The following HPRT1 variants were observed in gnomAD, a reference collection of about 807,000 sequenced individuals.
HPRT1 encodes the protein hypoxanthine phosphoribosyltransferase 1.
In HPRT1, 4 loss-of-function variants were observed where a neutral mutation model predicts 19.0. The observed-to-expected ratio is 0.21, with a 90% confidence interval of 0.10 to 0.48. The LOEUF (loss-of-function observed/expected upper bound fraction) is 0.48, where lower values mean the gene tolerates loss of function less well. HPRT1 is among the 20% of genes least tolerant of loss of function. HPRT1 has a pLI of 0.98. For missense variants in HPRT1, 65 were observed against 164.0 expected, an observed-to-expected ratio of 0.40 and a Z score of 3.30; for synonymous variants, 53 against 54.9, an observed-to-expected ratio of 0.97 and a Z score of 0.15.
intron 5 of HPRT1, among the ~76,000 whole-genome samples, chrX:134,493,140 G>C (rs1020589784): frequency 1.8e-5 from 2 of 111,724 alleles, no homozygotes; most frequent in African/African-American, 6.5e-5. Context: ...CATGTTTCTC[G>C]AGTGTAGTCT....
At chrX:134,460,416 C>G in intron 1 of HPRT1, 78 bp downstream of exon 1, 3 of 861,243 alleles carry the variant, frequency 3.5e-6, no homozygotes, top group South Asian at 4.1e-5. Flanking sequence ...GGCGCGGGAT[C>G]CGCAGTGCGG....
intron 6 of HPRT1, among the ~76,000 whole-genome samples, chrX:134,496,003 G>T (rs1033026915): frequency 5.3e-5 from 6 of 112,237 alleles, no homozygotes; most frequent in African/African-American, 1.6e-4. Context: ...TTATCCATCT[G>T]TTGGTGAACA....
At chrX:134,464,297 T>C (rs1342078320) in intron 1 of HPRT1, among the ~76,000 whole-genome samples, 1 of 112,260 alleles carries the variant, frequency 8.9e-6, no homozygotes, top group Non-Finnish European at 1.9e-5. Context: ...TAGCTTTAAT[T>C]ATTTTTACAT....
intron 6 of HPRT1, among the ~76,000 whole-genome samples, chrX:134,497,168 A>G (rs2077682761): frequency 9.0e-6 from 1 of 111,695 alleles, no homozygotes; most frequent in South Asian, 3.7e-4. Flanking sequence ...CCAGTTATTA[A>G]AAGTTGTGAT....
At chrX:134,488,012 CTTTCT>C (rs961371205) in intron 4 of HPRT1, among the ~76,000 whole-genome samples, 1 of 111,137 alleles carries the variant, frequency 9.0e-6, no homozygotes, top group African/African-American at 3.3e-5. Context: ...TCTAAAATAA[CTTTCT>C]TTTCATGATA....
chrX:134,486,203 A>T (rs2077652237), intron 3 of HPRT1, among the ~76,000 whole-genome samples: 1 of 111,345 alleles, frequency 9.0e-6, no homozygotes, highest in South Asian at 3.7e-4. Flanking sequence ...ACTCTTAAAA[A>T]CATCAAATCA....
chrX:134,494,078 TCTAC>T lies in HPRT1; in HGVS notation c.485+491_485+494del, dbSNP rs751873910. 5.3e-4 allele frequency among the ~76,000 whole-genome samples: 59 copies of T among 112,183 alleles called. 1 individual carries two copies. The highest frequency in any genetic ancestry group is 1.8e-3 in the African/African-American group (56 of 30,929). On this transcript the variant is annotated intron_variant, in intron 6 of 8. Transcript: ENST00000298556. Reference sequence around the variant, plus strand: ...GCTGTTTTACTTTTGCTTTTATAGTTCTACCTGTGTTTATTTCTCATTTTCGTTT... The same window carrying T: ...GCTGTTTTACTTTTGCTTTTATAGTTCTGTGTTTATTTCTCATTTTCGTTT...
chrX:134,461,549 T>G (rs962696555), intron 1 of HPRT1, among the ~76,000 whole-genome samples: 2 of 112,270 alleles, frequency 1.8e-5, no homozygotes, highest in Non-Finnish European at 3.8e-5. Flanking sequence ...TTAAGTCATT[T>G]TATGTATATC....
chrX:134,469,670 G>A (rs17882148), intron 1 of HPRT1, among the ~76,000 whole-genome samples: 14,840 of 111,216 alleles, frequency 0.13, 996 homozygotes, highest in East Asian at 0.42. Flanking sequence ...TTCTGGCTGG[G>A]TCCTAGTTTA....
At chrX:134,480,105 T>TA (rs1647528689) in intron 3 of HPRT1, among the ~76,000 whole-genome samples, 1 of 111,438 alleles carries the variant, frequency 9.0e-6, no homozygotes, top group Non-Finnish European at 1.9e-5. Context: ...AAATTATTCT[T>TA]AGGATTTGCA....
chrX:134,488,398 A>G (rs2124299242), intron 4 of HPRT1, among the ~76,000 whole-genome samples: 1 of 110,473 alleles, frequency 9.1e-6, no homozygotes, highest in Non-Finnish European at 1.9e-5. Flanking sequence ...CAGCCTCCCA[A>G]AGTACCGGGA....
chrX:134,491,757 G>A (rs1281416849), intron 5 of HPRT1, among the ~76,000 whole-genome samples: 1 of 106,688 alleles, frequency 9.4e-6, no homozygotes, highest in Non-Finnish European at 1.9e-5. Context: ...TTTTAAGACA[G>A]AGTCTCACTC....
intron 3 of HPRT1, among the ~76,000 whole-genome samples, chrX:134,477,291 C>T (rs780231958): frequency 1.5e-3 from 165 of 108,610 alleles, no homozygotes; most frequent in Middle Eastern, 4.7e-3. Flanking sequence ...GAACCCCTGA[C>T]CTCAGGTGAT....
At chrX:134,482,922 CAG>C (rs2077643804) in intron 3 of HPRT1, among the ~76,000 whole-genome samples, 1 of 109,210 alleles carries the variant, frequency 9.2e-6, no homozygotes, top group Non-Finnish European at 1.9e-5. Flanking sequence ...GTTAAAAGGA[CAG>C]AGAATGGTTG....
chrX:134,494,461 G>A (rs879016371), intron 6 of HPRT1, among the ~76,000 whole-genome samples: 1 of 111,510 alleles, frequency 9.0e-6, no homozygotes, highest in Admixed American at 9.6e-5. Context: ...GGTATCTGTC[G>A]AGCATCTTTG....
At chrX:134,480,084 A>T (rs1569356249) in intron 3 of HPRT1, among the ~76,000 whole-genome samples, 1 of 111,691 alleles carries the variant, frequency 9.0e-6, no homozygotes, top group Non-Finnish European at 1.9e-5. Context: ...TAAATGACTG[A>T]TATTAAAATG....
In HPRT1 at chrX:134,460,308, C is replaced by T. The variant is rs941399801; in HGVS notation, c.-4C>T. On this transcript the variant is annotated 5_prime_UTR_variant, in exon 1 of 9. Coordinates refer to ENST00000298556, the MANE Select transcript of HPRT1 (RefSeq NM_000194.3). ...AGTCAGCCCGCGCGCCGGCCGGCTC[C>T]GTTATGGCGACCCGCAGCCCTGGCG... 8.8e-6 allele frequency: 10 copies of T among 1,132,699 alleles called. No homozygotes were observed. Among genetic ancestry groups the T allele is most frequent in the Non-Finnish European group, 1.2e-5 (10 of 860,411 alleles). The allele number at this position is 1,132,699 out of a possible 1,213,427, so 93.3% of individuals were successfully genotyped here.
At chrX:134,479,106 G>C (rs1022851856) in intron 3 of HPRT1, among the ~76,000 whole-genome samples, 6 of 111,859 alleles carry the variant, frequency 5.4e-5, no homozygotes, top group Admixed American at 4.8e-4. Context: ...CAGTACTTTG[G>C]GAAGTCAAGA....
chrX:134,476,248 C>G (rs1255987497), intron 3 of HPRT1, among the ~76,000 whole-genome samples: 1 of 111,665 alleles, frequency 9.0e-6, no homozygotes, highest in African/African-American at 3.3e-5. Context: ...TTTAGTGACC[C>G]AAGTTTTTGA....
Sources: allele counts gnomAD v4.1 joint callset (sites outside exome capture counted in the v4.1 genomes callset), GRCh38; gene constraint gnomAD v4.1.1; transcripts MANE v1.5; gene names NCBI Gene and HGNC (gene_info 2026-07-23, HGNC 2026-07-21).